The following GRIP1 variants were observed in gnomAD, a reference collection of about 807,000 sequenced individuals.
GRIP1 encodes glutamate receptor-interacting protein 1.
GRIP1 carries 45 observed loss-of-function variants against 129.9 expected under a neutral mutation model. That is an observed-to-expected ratio of 0.35 (90% CI 0.27 to 0.44). The LOEUF (loss-of-function observed/expected upper bound fraction) is 0.44. GRIP1 is among the 20% of genes least tolerant of loss of function. The pLI is 1.00. For synonymous variants in GRIP1, 530 were observed against 520.8 expected, an observed-to-expected ratio of 1.02 and a Z score of -0.24; for missense variants, 1,196 against 1,396.8, an observed-to-expected ratio of 0.86 and a Z score of 2.29.
At chr12:66,421,165 G>A (rs1295814091) in intron 14 of GRIP1, among the ~76,000 whole-genome samples, 3 of 152,186 alleles carry the variant, frequency 2.0e-5, no homozygotes, top group African/African-American at 7.2e-5. Flanking sequence ...TTCCTTTCCA[G>A]TGAGGAGACA....
chr12:66,645,221 T>C (rs1029954505), intron 1 of GRIP1, among the ~76,000 whole-genome samples: 2 of 152,210 alleles, frequency 1.3e-5, no homozygotes, highest in Non-Finnish European at 2.9e-5. Flanking sequence ...GCACATATAG[T>C]TCAATCTCCT....
intron 2 of GRIP1, among the ~76,000 whole-genome samples, chr12:66,545,519 C>A (rs1167332463): frequency 6.6e-6 from 1 of 152,062 alleles, no homozygotes; most frequent in Non-Finnish European, 1.5e-5. Flanking sequence ...AAGGTAAAAT[C>A]CCTGGAAAAA....
In GRIP1 at chr12:66,539,209, T is replaced by C. The variant is rs1248595533; in HGVS notation, c.287A>G (p.Asp96Gly). 6.2e-7 allele frequency: 1 copy of C among 1,614,068 alleles called. No individual in the cohort carries two copies. Among genetic ancestry groups the C allele is most frequent in the Admixed American group, 1.7e-5 (1 of 60,006 alleles). Residue 96 changes from aspartate to glycine, a missense_variant, in exon 4 of 25, where the codon GAT (aspartate) becomes GGT (glycine). Coordinates refer to ENST00000359742, the MANE Select transcript of GRIP1 (RefSeq NM_001366722.1). The part of the protein sequence containing the change: ...GGIAARSDQL[D>G]VGDYIKAVNG... ...CACTGCTTTGATGTAGTCACCCACA[T>C]CCAGCTGGTCACTTCTGCAAAATAG...
chr12:66,645,911 G>A (rs918768102), intron 1 of GRIP1, among the ~76,000 whole-genome samples: 9 of 152,150 alleles, frequency 5.9e-5, no homozygotes, highest in African/African-American at 7.2e-5. Context: ...CAATGTAAGC[G>A]TCTAGGGCTT....
chr12:66,839,652 C>A (rs986401948), intron 1 of GRIP1, among the ~76,000 whole-genome samples: 1 of 151,884 alleles, frequency 6.6e-6, no homozygotes, highest in Non-Finnish European at 1.5e-5. Context: ...CTTCAAAGGC[C>A]AAAAAAGAAA....
At chr12:66,473,891 G>A (rs1307271799) in intron 7 of GRIP1, among the ~76,000 whole-genome samples, 2 of 152,142 alleles carry the variant, frequency 1.3e-5, no homozygotes, top group African/African-American at 2.4e-5. Flanking sequence ...AGTGCAAAAA[G>A]CCTAAAAATT....
At chr12:66,894,715 A>G (rs1383614181) in intron 1 of GRIP1, among the ~76,000 whole-genome samples, 4 of 152,160 alleles carry the variant, frequency 2.6e-5, no homozygotes, top group Non-Finnish European at 4.4e-5. Context: ...CCTCCCATAC[A>G]CAGACTTAGG....
chr12:66,678,950 C>G lies in GRIP1; in HGVS notation c.-46G>C, dbSNP rs1357279136. The G allele has an allele frequency of 6.2e-7, 1 of 1,612,646 alleles. No homozygotes were observed. The highest frequency in any genetic ancestry group is 1.3e-5 in the African/African-American group (1 of 74,980). ...GGCAAAGTGTACTCAAGGCTCTCTG[C>G]TCTGGTGGCTGCAGCAGCAGCAGCA... On this transcript the variant is annotated 5_prime_UTR_variant, in exon 1 of 25. Coordinates refer to ENST00000359742, the MANE Select transcript of GRIP1 (RefSeq NM_001366722.1).
chr12:66,384,103 G>C (rs1399844613), intron 19 of GRIP1, among the ~76,000 whole-genome samples: 4 of 152,194 alleles, frequency 2.6e-5, no homozygotes, highest in Non-Finnish European at 5.9e-5. Context: ...TGTATTATTA[G>C]AGTTTTCAGT....
intron 5 of GRIP1, among the ~76,000 whole-genome samples, chr12:66,521,643 A>G (rs1186065224): frequency 2.0e-5 from 3 of 152,176 alleles, no homozygotes; most frequent in African/African-American, 4.8e-5. Flanking sequence ...AGGGAGTGCC[A>G]GACAGTGGGT....
intron 1 of GRIP1, among the ~76,000 whole-genome samples, chr12:66,815,658 G>A (rs1022572211): frequency 5.3e-5 from 8 of 151,960 alleles, no homozygotes; most frequent in African/African-American, 1.9e-4. Flanking sequence ...TAGCTACTTG[G>A]GAGGCTAAAG....
intron 1 of GRIP1, among the ~76,000 whole-genome samples, chr12:66,844,705 A>G (rs754241422): frequency 1.5e-4 from 23 of 152,246 alleles, no homozygotes; most frequent in Non-Finnish European, 2.6e-4. Flanking sequence ...AGCAACCCAA[A>G]TGTCCATCAA....
intron 1 of GRIP1, among the ~76,000 whole-genome samples, chr12:66,696,597 C>T (rs1341186975): frequency 3.3e-5 from 5 of 151,524 alleles, no homozygotes; most frequent in South Asian, 4.2e-4. Context: ...CCATTCTGGC[C>T]AACACAGACC....
intron 16 of GRIP1, among the ~76,000 whole-genome samples, chr12:66,401,970 T>C (rs1444331629): frequency 6.6e-6 from 1 of 152,210 alleles, no homozygotes; most frequent in Non-Finnish European, 1.5e-5. Flanking sequence ...CATTGGTTTC[T>C]GGGATAAAAT....
At chr12:66,909,895 A>G (rs1158912785) in intron 1 of GRIP1, among the ~76,000 whole-genome samples, 2 of 152,156 alleles carry the variant, frequency 1.3e-5, no homozygotes, top group East Asian at 3.9e-4. Flanking sequence ...TGAAAACTGG[A>G]TCAAAGGCCT....
At chr12:66,795,042 G>A (rs1253347815) in intron 1 of GRIP1, among the ~76,000 whole-genome samples, 2 of 152,140 alleles carry the variant, frequency 1.3e-5, no homozygotes, top group Non-Finnish European at 1.5e-5. Context: ...AAGTGATCAC[G>A]ATTATAAGCA....
At chr12:66,533,887 A>ACTCTCTCTCTCTCT (rs71436010) in intron 4 of GRIP1, among the ~76,000 whole-genome samples, 5 of 147,934 alleles carry the variant, frequency 3.4e-5, no homozygotes, top group Non-Finnish European at 7.5e-5. Flanking sequence ...ACATACACAC[A>ACTCTCTCTCTCTCT]CTCTCTCTCT....
At chr12:66,518,232 A>G (rs1246404870) in intron 5 of GRIP1, among the ~76,000 whole-genome samples, 1 of 152,208 alleles carries the variant, frequency 6.6e-6, no homozygotes, top group Non-Finnish European at 1.5e-5. Context: ...AACAACTGGA[A>G]TGGCAAGAGA....
chr12:66,717,388 A>AG (rs942193346), intron 1 of GRIP1, among the ~76,000 whole-genome samples: 1 of 151,768 alleles, frequency 6.6e-6, no homozygotes, highest in African/African-American at 2.4e-5. Flanking sequence ...CACTGTAAAA[A>AG]AAAAAAAAGT....
Sources: gnomAD v4.1 joint callset for allele counts (sites outside exome capture counted in the v4.1 genomes callset) on GRCh38, gnomAD v4.1.1 for gene constraint, MANE v1.5 for transcripts, NCBI Gene and HGNC (gene_info 2026-07-23, HGNC 2026-07-21) for gene names.